TMEM74: variants seen among roughly 807,000 people sequenced by gnomAD.
TMEM74 encodes transmembrane protein 74.
Under a neutral mutation model 18.1 loss-of-function variants are expected in TMEM74, and 13 were observed. The ratio of observed to expected loss-of-function variants is 0.72; its 90% CI spans 0.47 to 1.14. The LOEUF (loss-of-function observed/expected upper bound fraction) is 1.14, where lower values mean the gene tolerates loss of function less well. Among genes scored for constraint, TMEM74 ranks in the 50% most tolerant of loss-of-function variants. TMEM74 has a pLI of 0.00. For synonymous variants in TMEM74, 159 were observed against 146.6 expected (o/e 1.08, Z -0.61); for missense variants, 372 against 375.9 (o/e 0.99, Z 0.09).
chr8:108,692,295 T>C (rs887060551), intron 1 of TMEM74, among the ~76,000 whole-genome samples: 5 of 152,190 alleles, frequency 3.3e-5, no homozygotes, highest in Non-Finnish European at 7.3e-5. Context: ...GTGGATATTT[T>C]TCAGTCCTCA....
chr8:108,747,419 A>T (rs1813859665), intron 1 of TMEM74, among the ~76,000 whole-genome samples: 1 of 152,134 alleles, frequency 6.6e-6, no homozygotes, highest in Admixed American at 6.6e-5. Context: ...TAAAGGTGAA[A>T]TGTGGGAGTT....
At chr8:108,747,605 G>T (rs1813862555) in intron 1 of TMEM74, among the ~76,000 whole-genome samples, 1 of 151,814 alleles carries the variant, frequency 6.6e-6, no homozygotes, top group Non-Finnish European at 1.5e-5. Flanking sequence ...GTGCAGGTTT[G>T]TTACATAGGT....
chr8:108,624,642 AT>A (rs1812477202), intron 2 of TMEM74, among the ~76,000 whole-genome samples: 1 of 152,072 alleles, frequency 6.6e-6, no homozygotes, highest in Non-Finnish European at 1.5e-5. Flanking sequence ...ACTCTATTTT[AT>A]ATCTTTCATT....
At chr8:108,725,327 T>C (rs1813625652) in intron 1 of TMEM74, among the ~76,000 whole-genome samples, 2 of 152,192 alleles carry the variant, frequency 1.3e-5, no homozygotes, top group South Asian at 4.1e-4. Context: ...AAAGTTATAA[T>C]TCCTAATAAG....
At chr8:108,643,048 A>C (rs1174591186) in intron 2 of TMEM74, among the ~76,000 whole-genome samples, 1 of 152,204 alleles carries the variant, frequency 6.6e-6, no homozygotes, top group African/African-American at 2.4e-5. Context: ...ATAACAATGT[A>C]AAAGACTGGC....
intron 2 of TMEM74, among the ~76,000 whole-genome samples, chr8:108,621,469 C>T (rs1440698440): frequency 6.6e-6 from 1 of 152,154 alleles, no homozygotes; most frequent in Non-Finnish European, 1.5e-5. Flanking sequence ...TAGAGAGGCC[C>T]AGGTGGGAAG....
chr8:108,679,393 A>T (rs1247089705), intron 1 of TMEM74, among the ~76,000 whole-genome samples: 3 of 152,162 alleles, frequency 2.0e-5, no homozygotes, highest in Non-Finnish European at 4.4e-5. Context: ...ATTTCTCCAC[A>T]TCCTCTCCAG....
chr8:108,617,255 G>A (rs143054061), intron 2 of TMEM74, among the ~76,000 whole-genome samples: 1 of 152,086 alleles, frequency 6.6e-6, no homozygotes, highest in Non-Finnish European at 1.5e-5. Context: ...CCTTAGTTTG[G>A]TCCTTTGGTT....
intron 2 of TMEM74, among the ~76,000 whole-genome samples, chr8:108,619,182 T>G (rs1319073765): frequency 6.6e-6 from 1 of 152,192 alleles, no homozygotes; most frequent in African/African-American, 2.4e-5. Context: ...ATTCAGATAT[T>G]TATGTTTTTA....
chr8:108,746,516 G>C (rs1055861382), intron 1 of TMEM74, among the ~76,000 whole-genome samples: 1 of 152,060 alleles, frequency 6.6e-6, no homozygotes, highest in African/African-American at 2.4e-5. Context: ...ATTTATGCCT[G>C]TGATATTATA....
intron 1 of TMEM74, among the ~76,000 whole-genome samples, chr8:108,753,602 T>C (rs963974958): frequency 3.9e-5 from 6 of 152,136 alleles, no homozygotes; most frequent in South Asian, 2.1e-4. Flanking sequence ...AGGACACCAA[T>C]TGTACTTACT....
intron 2 of TMEM74, among the ~76,000 whole-genome samples, chr8:108,648,028 A>T (rs180746418): frequency 6.6e-6 from 1 of 152,270 alleles, no homozygotes; most frequent in East Asian, 1.9e-4. Context: ...AGTTATTCCA[A>T]TCAAAGAGGG....
At chr8:108,645,687 C>T (rs1909023) in intron 2 of TMEM74, among the ~76,000 whole-genome samples, 28,462 of 151,916 alleles carry the variant, frequency 0.19, 2,727 homozygotes, top group East Asian at 0.27. Context: ...CCTGTCATTC[C>T]CTTACCCAAA....
At chr8:108,731,160 C>T (rs1813691423) in intron 1 of TMEM74, among the ~76,000 whole-genome samples, 1 of 151,656 alleles carries the variant, frequency 6.6e-6, no homozygotes, top group South Asian at 2.1e-4. Flanking sequence ...CCCTATATTT[C>T]CTGCTTTTCT....
At chr8:108,672,995 A>G (rs888101407) in intron 1 of TMEM74, among the ~76,000 whole-genome samples, 2 of 152,340 alleles carry the variant, frequency 1.3e-5, no homozygotes, top group African/African-American at 4.8e-5. Context: ...ATGAAGATCC[A>G]GATGATTAAA....
intron 2 of TMEM74, among the ~76,000 whole-genome samples, chr8:108,641,681 G>A (rs1022486130): frequency 4.6e-5 from 7 of 152,128 alleles, no homozygotes; most frequent in Non-Finnish European, 2.9e-5. Flanking sequence ...GGGACAGGTA[G>A]GTTCTCAGGC....
At chr8:108,686,313 C>G (rs2130603321) in intron 1 of TMEM74, among the ~76,000 whole-genome samples, 1 of 152,228 alleles carries the variant, frequency 6.6e-6, no homozygotes, top group South Asian at 2.1e-4. Flanking sequence ...ATTCTCCTGC[C>G]TCAGCCTCCC....
chr8:108,670,342 G>T (rs1418698808), intron 1 of TMEM74, among the ~76,000 whole-genome samples: 1 of 152,152 alleles, frequency 6.6e-6, no homozygotes, highest in East Asian at 1.9e-4. Flanking sequence ...CCTGCTTAGG[G>T]AATGATTTGC....
At chr8:108,691,602 G>GT in intron 1 of TMEM74, among the ~76,000 whole-genome samples, 1 of 152,314 alleles carries the variant, frequency 6.6e-6, no homozygotes, top group Middle Eastern at 3.4e-3. Context: ...AGTCTACTGA[G>GT]AGTGATGCAA....
Sources: gnomAD v4.1 joint callset for allele counts (sites outside exome capture counted in the v4.1 genomes callset) on GRCh38, gnomAD v4.1.1 for gene constraint, MANE v1.5 for transcripts, NCBI Gene and HGNC (gene_info 2026-07-23, HGNC 2026-07-21) for gene names.